The following PPP2CA variants were observed in gnomAD, a reference collection of about 807,000 sequenced individuals.
PPP2CA encodes the protein serine/threonine-protein phosphatase 2A catalytic subunit alpha isoform.
Under a neutral mutation model 38.8 loss-of-function variants are expected in PPP2CA, and 5 were observed. That is an observed-to-expected ratio of 0.13 (90% CI 0.07 to 0.27). The LOEUF is 0.27. Among genes scored for constraint, PPP2CA ranks in the 10% least tolerant of loss-of-function variants. PPP2CA has a pLI of 1.00. For synonymous variants in PPP2CA, 152 were observed against 134.0 expected, an observed-to-expected ratio of 1.13 and a Z score of -0.93; for missense variants, 88 against 389.7, an observed-to-expected ratio of 0.23 and a Z score of 6.52.
At chr5:134,219,768 T>C (rs1035182934) in intron 1 of PPP2CA, among the ~76,000 whole-genome samples, 9 of 152,126 alleles carry the variant, frequency 5.9e-5, no homozygotes, top group Non-Finnish European at 1.3e-4. Flanking sequence ...CCCAGCACTT[T>C]GGGAGGCTGA....
At chr5:134,221,466 C>T (rs1010164265) in intron 1 of PPP2CA, among the ~76,000 whole-genome samples, 3 of 152,064 alleles carry the variant, frequency 2.0e-5, no homozygotes, top group Admixed American at 6.6e-5. Flanking sequence ...GTCAGTTATA[C>T]TTTATTAGAA....
chr5:134,219,286 A>C (rs1227388505), intron 1 of PPP2CA, among the ~76,000 whole-genome samples: 1 of 152,250 alleles, frequency 6.6e-6, no homozygotes, highest in Admixed American at 6.5e-5. Context: ...AAAGCTCAAT[A>C]GTGACAATAA....
At chr5:134,210,786 C>G (rs1010317579) in intron 1 of PPP2CA, among the ~76,000 whole-genome samples, 46 of 152,208 alleles carry the variant, frequency 3.0e-4, no homozygotes, top group African/African-American at 1.0e-3. Context: ...CACTGCACTA[C>G]AGCCTAGGTG....
intron 1 of PPP2CA, among the ~76,000 whole-genome samples, chr5:134,219,523 G>A (rs540921456): frequency 5.3e-5 from 8 of 152,288 alleles, no homozygotes; most frequent in Non-Finnish European, 8.8e-5. Flanking sequence ...CCCATCTGTA[G>A]TAGCAACTAA....
Position 134,195,300 on chromosome 5 carries a change from G to C in PPP2CA, c.*2472C>G, listed in dbSNP as rs1240249418. 1 of 152,136 alleles carries C rather than the reference G, an allele frequency of 6.6e-6. No homozygotes were observed. The highest frequency in any genetic ancestry group is 2.1e-4 in the South Asian group (1 of 4,814). 9.4% of individuals were successfully genotyped at this position (152,136 alleles called of 1,614,324 possible). ...GGGTCTGGCTCTGTCACCCAGACTG[G>C]AGTACAGTGGCACAATCTCAGCCCA... On this transcript the variant is annotated 3_prime_UTR_variant, in exon 7 of 7. Coordinates refer to ENST00000481195, the MANE Select transcript of PPP2CA (RefSeq NM_002715.4).
At chr5:134,198,767 T>C (rs1761913370) in intron 6 of PPP2CA, among the ~76,000 whole-genome samples, 1 of 152,172 alleles carries the variant, frequency 6.6e-6, no homozygotes, top group Non-Finnish European at 1.5e-5. Context: ...GGTTTCACCA[T>C]GTTGGTCAGG....
intron 1 of PPP2CA, among the ~76,000 whole-genome samples, chr5:134,215,253 C>A (rs1179377382): frequency 6.6e-6 from 1 of 152,086 alleles, no homozygotes; most frequent in African/African-American, 2.4e-5. Context: ...TGTGCCACCA[C>A]ACCCAACTAA....
Position 134,208,821 on chromosome 5 carries a change from A to C in PPP2CA, c.103-2690T>G, listed in dbSNP as rs58935221. On this transcript the variant is annotated intron_variant, in intron 1 of 6. Transcript: ENST00000481195. The stretch of plus-strand genomic sequence containing the variant: ...AACAATAGTTTTCCTTTGCATTTTT[A>C]AACTAGAAACAATATTGTTCAGCAG... 2.0e-5 allele frequency among the ~76,000 whole-genome samples: 3 copies of C among 152,340 alleles called. No individual in the cohort carries two copies. The East Asian group carries it at 5.8e-4, about 29-fold the overall frequency.
At chr5:134,221,997 T>G (rs888552639) in intron 1 of PPP2CA, among the ~76,000 whole-genome samples, 64 of 151,966 alleles carry the variant, frequency 4.2e-4, no homozygotes, top group African/African-American at 1.5e-3. Context: ...AGTTTTATTT[T>G]ATGAAAGTGT....
intron 2 of PPP2CA, among the ~76,000 whole-genome samples, chr5:134,203,143 C>G (rs1762004256): frequency 1.3e-5 from 2 of 151,236 alleles, no homozygotes; most frequent in African/African-American, 2.4e-5. Flanking sequence ...CTGGTGTCAT[C>G]TTTTGAAAAA....
chr5:134,199,438 T>TC, intron 5 of PPP2CA: 1 of 259,626 alleles, frequency 3.9e-6, no homozygotes. Flanking sequence ...TTTTAGTACT[T>TC]TAAAAAAAAA....
intron 1 of PPP2CA, among the ~76,000 whole-genome samples, chr5:134,224,587 T>C (rs1762521254): frequency 6.6e-6 from 1 of 152,258 alleles, no homozygotes; most frequent in South Asian, 2.1e-4. Flanking sequence ...AGTGACGTGC[T>C]GCAAAGTTAA....
chr5:134,204,738 CA>C (rs1301022206), intron 2 of PPP2CA, among the ~76,000 whole-genome samples: 7 of 152,236 alleles, frequency 4.6e-5, no homozygotes, highest in Admixed American at 4.6e-4. Flanking sequence ...GTTGAGATAA[CA>C]GGCGTGAACC....
intron 1 of PPP2CA, among the ~76,000 whole-genome samples, chr5:134,214,998 T>C (rs1561741419): frequency 6.6e-6 from 1 of 151,718 alleles, no homozygotes; most frequent in Admixed American, 6.6e-5. Flanking sequence ...ACTTTAAATG[T>C]TTAATAATGA....
At chr5:134,220,533 C>T (rs1236767924) in intron 1 of PPP2CA, among the ~76,000 whole-genome samples, 1 of 149,374 alleles carries the variant, frequency 6.7e-6, no homozygotes, top group Non-Finnish European at 1.5e-5. Context: ...TTCAGATCTG[C>T]CTGTGTATGA....
At chr5:134,223,192 T>C (rs899590496) in intron 1 of PPP2CA, among the ~76,000 whole-genome samples, 11 of 152,178 alleles carry the variant, frequency 7.2e-5, no homozygotes, top group African/African-American at 2.7e-4. Flanking sequence ...ATACTATTAT[T>C]ATACACTAAT....
intron 1 of PPP2CA, among the ~76,000 whole-genome samples, chr5:134,211,474 CA>C (rs1249295130): frequency 1.3e-5 from 1 of 77,666 alleles, no homozygotes. Flanking sequence ...TCATGGAAGA[CA>C]ATTTTTTTTT....
intron 1 of PPP2CA, among the ~76,000 whole-genome samples, chr5:134,208,598 C>G (rs991737298): frequency 6.6e-6 from 1 of 151,934 alleles, no homozygotes; most frequent in Non-Finnish European, 1.5e-5. Flanking sequence ...TAAATATAAT[C>G]GAGTCAACAG....
At chr5:134,204,299 A>G (rs781203288) in intron 2 of PPP2CA, among the ~76,000 whole-genome samples, 1 of 152,252 alleles carries the variant, frequency 6.6e-6, no homozygotes, top group African/African-American at 2.4e-5. Flanking sequence ...AAAGTCAAAC[A>G]ATTTATTTAA....
Sources: allele counts gnomAD v4.1 joint callset (sites outside exome capture counted in the v4.1 genomes callset), GRCh38; gene constraint gnomAD v4.1.1; transcripts MANE v1.5; gene names NCBI Gene and HGNC (gene_info 2026-07-23, HGNC 2026-07-21).